Variants in CCDC7 observed in about 807,000 individuals in gnomAD.
CCDC7 encodes coiled-coil domain-containing protein 7.
Under a neutral mutation model 196.9 loss-of-function variants are expected in CCDC7, and 183 were observed. The observed-to-expected ratio is 0.93, with a 90% CI of 0.82 to 1.05. CCDC7 has a LOEUF of 1.05. Ranked by LOEUF, CCDC7 falls within the 50% of genes least tolerant of loss-of-function variation. CCDC7 has a pLI of 0.00. For synonymous variants in CCDC7, 525 were observed against 484.6 expected, an observed-to-expected ratio of 1.08 and a Z score of -1.10; for missense variants, 1,540 against 1,482.2, an observed-to-expected ratio of 1.04 and a Z score of -0.64.
chr10:32,492,018 AT>A (rs2042226689), intron 9 of CCDC7, 21 bp downstream of exon 10: 1 of 1,506,190 alleles, frequency 6.6e-7, no homozygotes, highest in South Asian at 1.4e-5. Flanking sequence ...TTGTTTTTGC[AT>A]TTTATTATTT....
chr10:32,466,391 A>G (rs1038466402), intron 5 of CCDC7, among the ~76,000 whole-genome samples: 9 of 152,044 alleles, frequency 5.9e-5, no homozygotes, highest in African/African-American at 2.2e-4. Flanking sequence ...CCAGTACCCA[A>G]CAGTTATCTT....
chr10:32,462,876 C>A (rs2036019550), intron 4 of CCDC7, 141 bp from the exon 6 acceptor site: 2 of 1,361,424 alleles, frequency 1.5e-6, no homozygotes, highest in Non-Finnish European at 2.0e-6. Flanking sequence ...TTCTGAATCC[C>A]AAGTGATGTT....
chr10:32,653,949 T>C (rs2069272816), intron 20 of CCDC7, among the ~76,000 whole-genome samples: 1 of 152,220 alleles, frequency 6.6e-6, no homozygotes. Flanking sequence ...GAATGCCCAT[T>C]ATGTGTATGT....
intron 21 of CCDC7, among the ~76,000 whole-genome samples, chr10:32,670,037 G>A (rs1392649121): frequency 6.6e-6 from 1 of 152,062 alleles, no homozygotes; most frequent in Non-Finnish European, 1.5e-5. Context: ...CTTGGGGCAC[G>A]TTTGTAAGAG....
intron 9 of CCDC7, among the ~76,000 whole-genome samples, chr10:32,508,452 A>G (rs1357054186): frequency 2.0e-5 from 3 of 152,226 alleles, no homozygotes; most frequent in Non-Finnish European, 4.4e-5. Flanking sequence ...TAGTGTTGCA[A>G]ATAAGTCCAT....
intron 21 of CCDC7, among the ~76,000 whole-genome samples, chr10:32,676,974 G>A (rs1297957204): frequency 6.6e-6 from 1 of 151,896 alleles, no homozygotes; most frequent in African/African-American, 2.4e-5. Context: ...CAACCCAAAT[G>A]TCCAACAACG....
chr10:32,845,960 G>T lies in CCDC7; in HGVS notation c.3604+1G>T. The T allele has an allele frequency of 6.2e-7, 1 of 1,603,684 alleles. No homozygotes were observed. Among genetic ancestry groups the T allele is most frequent in the Non-Finnish European group, 8.5e-7 (1 of 1,172,176 alleles). On this transcript the variant is annotated splice_donor_variant, in intron 36 of 41. Transcript: ENST00000639629. LOFTEE classifies it high-confidence loss of function. ...ACTACACAACTGAAGAGTCACCGAG[G>T]TAAGAGAAAGAATTTTTCAAGTCTA...
rs370748954 is a variant in CCDC7, at chr10:32,456,282, A to G, written c.404A>G (p.Tyr135Cys). ...GATGATATGAATTCATTCTTGACAT[A>G]TTGTTCGCAATTTGCAGCTCAGCTA... The change falls in exon 3 of 42, where the codon TAT becomes TGT. Residue 135 changes from tyrosine to cysteine, a missense_variant. By Grantham distance (194) the Tyr-to-Cys change is radical. Transcript: ENST00000639629. 9.5e-6 allele frequency: 15 copies of G among 1,571,070 alleles called. No homozygotes were observed. In the African/African-American group the frequency reaches 1.3e-4, roughly 14 times the overall value.
intron 28 of CCDC7, among the ~76,000 whole-genome samples, chr10:32,760,112 T>C (rs1312557942): frequency 6.6e-6 from 1 of 152,102 alleles, no homozygotes; most frequent in Non-Finnish European, 1.5e-5. Flanking sequence ...CTAGAGAGGA[T>C]GTGGAGAAAT....
chr10:32,560,000 A>G (rs539427284), intron 13 of CCDC7, among the ~76,000 whole-genome samples: 12 of 152,358 alleles, frequency 7.9e-5, no homozygotes, highest in African/African-American at 2.9e-4. Context: ...GCTGAAAACC[A>G]AGGCTCGAGA....
chr10:32,605,362 G>A (rs181460899), intron 18 of CCDC7, among the ~76,000 whole-genome samples: 12 of 152,172 alleles, frequency 7.9e-5, no homozygotes, highest in African/African-American at 1.7e-4. Context: ...GGAATGGGGC[G>A]TTGCTACAAA....
At chr10:32,780,020 C>G (rs374365044) in intron 29 of CCDC7, among the ~76,000 whole-genome samples, 1 of 152,082 alleles carries the variant, frequency 6.6e-6, no homozygotes, top group Admixed American at 6.5e-5. Context: ...AGGTAGATCA[C>G]GAGGTCAGGA....
At chr10:32,562,167 C>T (rs2055817064) in intron 13 of CCDC7, among the ~76,000 whole-genome samples, 1 of 152,102 alleles carries the variant, frequency 6.6e-6, no homozygotes, top group Non-Finnish European at 1.5e-5. Flanking sequence ...CAATAGCTTA[C>T]CAACCAAAAA....
chr10:32,669,345 TC>T (rs1421166560), intron 21 of CCDC7, among the ~76,000 whole-genome samples: 2 of 152,164 alleles, frequency 1.3e-5, no homozygotes, highest in Admixed American at 6.6e-5. Context: ...TTGGCCTTTG[TC>T]TTTTCTTGTA....
intron 11 of CCDC7, among the ~76,000 whole-genome samples, chr10:32,525,059 GT>G (rs1216782217): frequency 7.5e-5 from 11 of 147,166 alleles, no homozygotes; most frequent in East Asian, 5.9e-4. Context: ...TTCATTGTGT[GT>G]TTTTTTTTTC....
intron 41 of CCDC7, among the ~76,000 whole-genome samples, chr10:32,855,125 C>T (rs996482096): frequency 1.3e-5 from 2 of 151,820 alleles, no homozygotes; most frequent in Non-Finnish European, 2.9e-5. Context: ...GTTAAGATAT[C>T]AGTACCACTC....
intron 25 of CCDC7, among the ~76,000 whole-genome samples, chr10:32,725,851 C>A (rs1053165868): frequency 1.3e-5 from 2 of 152,132 alleles, no homozygotes; most frequent in African/African-American, 4.8e-5. Flanking sequence ...CCAGGCAATA[C>A]CTCCAACCTT....
At chr10:32,546,390 A>G (rs1373304667) in intron 13 of CCDC7, among the ~76,000 whole-genome samples, 2 of 152,246 alleles carry the variant, frequency 1.3e-5, no homozygotes, top group Non-Finnish European at 2.9e-5. Flanking sequence ...GGAGTGTGGT[A>G]TCAGAAAAGG....
chr10:32,538,495 C>T (rs192628327), intron 11 of CCDC7, among the ~76,000 whole-genome samples: 1 of 152,314 alleles, frequency 6.6e-6, no homozygotes, highest in Admixed American at 6.5e-5. Flanking sequence ...TGCCCGATTG[C>T]TCTTGCCAGG....
Sources: gnomAD v4.1 joint callset for allele counts (sites outside exome capture counted in the v4.1 genomes callset) on GRCh38, gnomAD v4.1.1 for gene constraint, MANE v1.5 for transcripts, NCBI Gene and HGNC (gene_info 2026-07-23, HGNC 2026-07-21) for gene names.